ADAMTS3: variants seen among roughly 807,000 people sequenced by gnomAD.
ADAMTS3 encodes ADAM metallopeptidase with thrombospondin type 1 motif 3, also known as A disintegrin and metalloproteinase with thrombospondin motifs 3.
Under a neutral mutation model 129.0 loss-of-function variants are expected in ADAMTS3, and 73 were observed. That is an observed-to-expected ratio of 0.57 (90% confidence interval 0.47 to 0.69). ADAMTS3 has a LOEUF of 0.69. Among genes scored for constraint, ADAMTS3 ranks in the 30% least tolerant of loss-of-function variants. ADAMTS3 has a pLI of 0.00. For missense variants in ADAMTS3, 1,457 were observed against 1,514.5 expected (o/e 0.96, Z 0.63); for synonymous variants, 477 against 510.8 (o/e 0.93, Z 0.89).
chr4:72,489,693 C>G (rs1719690120), intron 3 of ADAMTS3, among the ~76,000 whole-genome samples: 1 of 151,926 alleles, frequency 6.6e-6, no homozygotes, highest in African/African-American at 2.4e-5. Flanking sequence ...CACATCCTCA[C>G]ATGCATATTT....
chr4:72,450,966 A>AGAC (rs773871139), intron 3 of ADAMTS3, among the ~76,000 whole-genome samples: 3 of 79,076 alleles, frequency 3.8e-5, no homozygotes, highest in Non-Finnish European at 5.5e-5. Flanking sequence ...GCAGGCAGGC[A>AGAC]AAAAGAAGAG....
rs1718772843 is a variant in ADAMTS3 at position 72,461,577 on chromosome 4, CA to C, written c.505-46607del. The stretch of plus-strand genomic sequence containing the variant: ...ATTGACAAACCTAACCTTTCTAAAG[CA>C]GAGGGCATGGCAGTAAACAGAGTTT... On this transcript the variant is annotated intron_variant, in intron 3 of 21. Coordinates refer to ENST00000286657, the MANE Select transcript of ADAMTS3 (RefSeq NM_014243.3). Among the ~76,000 whole-genome samples, 3 of 151,800 alleles carry C rather than the reference CA, an allele frequency of 2.0e-5. No individual in the cohort carries two copies. The South Asian group carries it at 6.2e-4, about 31-fold the overall frequency.
At position 72,525,139 on chromosome 4, in the gene ADAMTS3, G is replaced by A. The variant is rs115798623; in HGVS notation, c.504+23339C>T. Among the ~76,000 whole-genome samples, 834 of 152,260 alleles carry A rather than the reference G, an allele frequency of 5.5e-3. 3 individuals carry two copies. The highest frequency in any genetic ancestry group is 9.4e-3 in the Non-Finnish European group (639 of 68,018). On this transcript the variant is annotated intron_variant, in intron 3 of 21. Coordinates refer to ENST00000286657, the MANE Select transcript of ADAMTS3 (RefSeq NM_014243.3). ...CCAGATCTCTCCATTCACCTGTTAG[G>A]TGCACTCACAGCTCCAGAATGGTCC...
At chr4:72,368,312 T>G (rs1720922082) in intron 4 of ADAMTS3, among the ~76,000 whole-genome samples, 1 of 152,216 alleles carries the variant, frequency 6.6e-6, no homozygotes, top group South Asian at 2.1e-4. Context: ...ACCATGGGTA[T>G]GCCAGTGTTA....
At chr4:72,399,018 AG>A (rs902144726) in intron 4 of ADAMTS3, among the ~76,000 whole-genome samples, 2 of 152,206 alleles carry the variant, frequency 1.3e-5, no homozygotes, top group Admixed American at 6.5e-5. Flanking sequence ...ATGTCACACT[AG>A]TTGTTCTACT....
chr4:72,427,650 A>T (rs1247798855), intron 3 of ADAMTS3, among the ~76,000 whole-genome samples: 1 of 151,944 alleles, frequency 6.6e-6, no homozygotes, highest in Non-Finnish European at 1.5e-5. Context: ...AAAAAAGAAG[A>T]AAAAAAGAAG....
intron 4 of ADAMTS3, among the ~76,000 whole-genome samples, chr4:72,367,739 A>C (rs151147539): frequency 0.017 from 2,621 of 151,870 alleles, 59 homozygotes; most frequent in African/African-American, 0.06. Context: ...AGTCCCAGCT[A>C]CTTGGGAGGC....
chr4:72,494,360 T>C (rs188505947), intron 3 of ADAMTS3, among the ~76,000 whole-genome samples: 125 of 152,298 alleles, frequency 8.2e-4, no homozygotes, highest in Non-Finnish European at 1.3e-3. Flanking sequence ...TTGCTGACAC[T>C]CTCTATTGCT....
intron 4 of ADAMTS3, among the ~76,000 whole-genome samples, chr4:72,393,028 T>G (rs1721640088): frequency 6.6e-6 from 1 of 151,332 alleles, no homozygotes; most frequent in Non-Finnish European, 1.5e-5. Flanking sequence ...CAGGTTCAAA[T>G]GATTCTCCTG....
At chr4:72,403,856 G>A (rs1279176307) in intron 4 of ADAMTS3, among the ~76,000 whole-genome samples, 1 of 151,930 alleles carries the variant, frequency 6.6e-6, no homozygotes, top group African/African-American at 2.4e-5. Context: ...CTTGCACAAT[G>A]GGAATAATTT....
intron 4 of ADAMTS3, among the ~76,000 whole-genome samples, chr4:72,353,546 G>A (rs1720497367): frequency 6.6e-6 from 1 of 151,950 alleles, no homozygotes; most frequent in African/African-American, 2.4e-5. Flanking sequence ...GAGTCAGCAG[G>A]TCCAGCAGCA....
intron 3 of ADAMTS3, among the ~76,000 whole-genome samples, chr4:72,529,611 G>T (rs945367050): frequency 3.0e-5 from 4 of 134,130 alleles, no homozygotes; most frequent in African/African-American, 1.1e-4. Context: ...TTTGCAGCCT[G>T]GCAGCAATAA....
intron 13 of ADAMTS3, 38 bp downstream of exon 13, chr4:72,312,253 C>T (rs1719258514): frequency 6.2e-7 from 1 of 1,606,942 alleles, no homozygotes; most frequent in Non-Finnish European, 8.5e-7. Flanking sequence ...TGTGAGTAAC[C>T]ATCCACACAG....
At chr4:72,338,599 A>G (rs953551454) in intron 5 of ADAMTS3, among the ~76,000 whole-genome samples, 8 of 151,762 alleles carry the variant, frequency 5.3e-5, no homozygotes, top group African/African-American at 1.7e-4. Flanking sequence ...TGGGGGAAAG[A>G]GGTAAACTAT....
chr4:72,520,056 A>G (rs1212826754), intron 3 of ADAMTS3, among the ~76,000 whole-genome samples: 1 of 152,204 alleles, frequency 6.6e-6, no homozygotes, highest in African/African-American at 2.4e-5. Context: ...TCCTTCTAAC[A>G]GACAGGACCC....
intron 16 of ADAMTS3, 74 bp from the exon 17 acceptor site, chr4:72,304,154 A>G: frequency 3.6e-6 from 5 of 1,402,078 alleles, no homozygotes; most frequent in Non-Finnish European, 4.9e-6. Flanking sequence ...CACAGCAAGT[A>G]TATCCTTTCT....
At chr4:72,298,481 G>T in intron 17 of ADAMTS3, 39 bp from the exon 18 acceptor site, 1 of 1,448,180 alleles carries the variant, frequency 6.9e-7, no homozygotes, top group South Asian at 1.5e-5. Context: ...ATCACCTGAG[G>T]GTTTTAAATT....
Position 72,479,013 on chromosome 4 carries a change from A to AGGTC in ADAMTS3, c.505-64043_505-64042insGACC, listed in dbSNP as rs1455188991. Reference sequence around the variant, plus strand: ...GACGTGAAGGACCTCCTCAAGGAGAACTACAAACCACTGCTCAACGAAATA... The same window carrying AGGTC: ...GACGTGAAGGACCTCCTCAAGGAGAAGGTCCTACAAACCACTGCTCAACGAAATA... On this transcript the variant is annotated intron_variant, in intron 3 of 21. Transcript: ENST00000286657. Among the ~76,000 whole-genome samples, 398 of 152,338 alleles carry AGGTC rather than the reference A, an allele frequency of 2.6e-3. 3 individuals carry two copies. The highest frequency in any genetic ancestry group is 9.3e-3 in the African/African-American group (386 of 41,564).
At chr4:72,530,475 A>AATACATAAATATATAAAAAT (rs1720985969) in intron 3 of ADAMTS3, among the ~76,000 whole-genome samples, 1 of 81,632 alleles carries the variant, frequency 1.2e-5, no homozygotes, top group Non-Finnish European at 2.1e-5. Context: ...ATATTAATTT[A>AATACATAAATATATAAAAAT]ATATATAAAT....
Sources: gnomAD v4.1 joint callset for allele counts (sites outside exome capture counted in the v4.1 genomes callset) on GRCh38, gnomAD v4.1.1 for gene constraint, MANE v1.5 for transcripts, NCBI Gene and HGNC (gene_info 2026-07-23, HGNC 2026-07-21) for gene names.